UNC80: variants seen among roughly 807,000 people sequenced by gnomAD.
The protein encoded by UNC80 is unc-80 subunit of NALCN channel complex.
Under a neutral mutation model 384.6 loss-of-function variants are expected in UNC80, and 164 were observed. The observed-to-expected ratio is 0.43, with a 90% CI of 0.38 to 0.49. The LOEUF (loss-of-function observed/expected upper bound fraction) is 0.49. Among genes scored for constraint, UNC80 ranks in the 20% least tolerant of loss-of-function variants. The pLI is 0.00. For synonymous variants in UNC80, 1,486 were observed against 1,527.8 expected (o/e 0.97, Z 0.64); for missense variants, 3,330 against 4,143.0 (o/e 0.80, Z 5.39).
chr2:209,924,665 C>T (rs1230263694), intron 35 of UNC80, among the ~76,000 whole-genome samples: 1 of 152,028 alleles, frequency 6.6e-6, no homozygotes, highest in South Asian at 2.1e-4. Context: ...TGCAAGCCCC[C>T]TAGAAATCTC....
intron 25 of UNC80, among the ~76,000 whole-genome samples, chr2:209,887,040 T>G (rs1369052119): frequency 1.3e-5 from 2 of 152,064 alleles, no homozygotes; most frequent in African/African-American, 2.4e-5. Context: ...TTATTATTAT[T>G]TTTTATTTAT....
At chr2:209,908,185 G>A (rs963894125) in intron 29 of UNC80, among the ~76,000 whole-genome samples, 1 of 152,142 alleles carries the variant, frequency 6.6e-6, no homozygotes, top group Non-Finnish European at 1.5e-5. Flanking sequence ...AAACAGAGTG[G>A]GCAATGAAGC....
intron 4 of UNC80, among the ~76,000 whole-genome samples, chr2:209,778,415 T>A (rs1227222948): frequency 9.2e-5 from 14 of 151,726 alleles, no homozygotes; most frequent in Admixed American, 9.2e-4. Context: ...GAAAAAAAAA[T>A]AAGTTTTAAC....
At chr2:209,781,440 G>A (rs1159202493) in intron 4 of UNC80, among the ~76,000 whole-genome samples, 2 of 152,046 alleles carry the variant, frequency 1.3e-5, no homozygotes, top group Admixed American at 1.3e-4. Flanking sequence ...TTTCCACTCA[G>A]GTCATGAACA....
chr2:209,958,987 T>C, intron 49 of UNC80, 132 bp from the exon 50 acceptor site: 1 of 679,924 alleles, frequency 1.5e-6, no homozygotes, highest in Non-Finnish European at 2.6e-6. Flanking sequence ...TTAGGAGTAA[T>C]ATATGTATAT....
chr2:209,956,701 C>T (rs553208550), intron 48 of UNC80, among the ~76,000 whole-genome samples: 2 of 152,266 alleles, frequency 1.3e-5, no homozygotes, highest in South Asian at 4.1e-4. Context: ...CTTCAAATCT[C>T]TCTGCCCTAG....
intron 7 of UNC80, chr2:209,809,340 C>T (rs2079163781): frequency 4.9e-6 from 4 of 822,954 alleles, no homozygotes; most frequent in Middle Eastern, 2.2e-4. Flanking sequence ...GCGAAACCTG[C>T]GGGAAGGCCT....
chr2:209,833,773 C>A (rs1489020495), intron 16 of UNC80, among the ~76,000 whole-genome samples: 1 of 152,166 alleles, frequency 6.6e-6, no homozygotes, highest in East Asian at 1.9e-4. Flanking sequence ...AGCACGATAA[C>A]CATCCTTTTT....
chr2:209,970,024 A>G, intron 53 of UNC80, 133 bp downstream of exon 53: 1 of 1,156,244 alleles, frequency 8.6e-7, no homozygotes, highest in Non-Finnish European at 1.2e-6. Context: ...CTCAGGTGAC[A>G]CTGAAAATAG....
At chr2:209,908,212 T>C (rs1186145129) in intron 29 of UNC80, among the ~76,000 whole-genome samples, 2 of 152,250 alleles carry the variant, frequency 1.3e-5, no homozygotes, top group Non-Finnish European at 2.9e-5. Flanking sequence ...AAAAGCAGTA[T>C]TCTGAATAAA....
chr2:209,852,748 A>T (rs1364561258), intron 22 of UNC80, among the ~76,000 whole-genome samples: 1 of 152,136 alleles, frequency 6.6e-6, no homozygotes, highest in East Asian at 1.9e-4. Flanking sequence ...CCTCAGGGTT[A>T]TGCTAACTTT....
At chr2:209,904,267 G>T (rs2087902800) in intron 28 of UNC80, among the ~76,000 whole-genome samples, 1 of 152,170 alleles carries the variant, frequency 6.6e-6, no homozygotes, top group Non-Finnish European at 1.5e-5. Context: ...TCAAGTTCTA[G>T]TTGAAGATGA....
At chr2:209,810,134 C>T (rs1386522508) in intron 7 of UNC80, among the ~76,000 whole-genome samples, 3 of 152,134 alleles carry the variant, frequency 2.0e-5, no homozygotes, top group African/African-American at 7.2e-5. Flanking sequence ...GCAGCTATTT[C>T]AGCTTCCTGT....
intron 24 of UNC80, among the ~76,000 whole-genome samples, chr2:209,879,852 A>G (rs1171821123): frequency 6.8e-6 from 1 of 147,296 alleles, no homozygotes. Flanking sequence ...AACTCAGGAG[A>G]GAAAATGGTT....
At chr2:209,817,184 C>G in intron 10 of UNC80, 59 bp downstream of exon 10, 2 of 1,467,824 alleles carry the variant, frequency 1.4e-6, no homozygotes, top group African/African-American at 2.8e-5. Flanking sequence ...AGAACTGGAT[C>G]TAGGGCTTCT....
intron 4 of UNC80, among the ~76,000 whole-genome samples, chr2:209,782,506 TTTA>T (rs2077206580): frequency 6.6e-6 from 1 of 152,164 alleles, no homozygotes; most frequent in Admixed American, 6.6e-5. Context: ...TTATACTTTG[TTTA>T]TTATCATCCC....
chr2:209,939,599 C>T lies in UNC80; in HGVS notation c.6593C>T (p.Ser2198Leu). The change falls in exon 43 of 65, where the codon TCA (serine) becomes TTA (leucine). Residue 2198 changes from serine to leucine, a missense_variant. This residue lies in a region of UNC80 where 1,049 missense variants were observed against 1,488.6 expected (regional missense o/e 0.70). Transcript: ENST00000673920. The part of the protein sequence containing the change: ...MLQEDLLRLP[S>L]FPRSAIDAEF... ...CAGGAAGACCTCCTCCGCCTGCCCTCATTCCCTCGTAGTGCTATTGATGCT... is the reference window on the plus strand; with the variant it reads ...CAGGAAGACCTCCTCCGCCTGCCCTTATTCCCTCGTAGTGCTATTGATGCT... The T allele has an allele frequency of 6.4e-7, 1 of 1,551,936 alleles. No homozygotes were observed.
intron 35 of UNC80, among the ~76,000 whole-genome samples, chr2:209,926,160 C>T (rs1367675479): frequency 1.3e-5 from 2 of 152,054 alleles, no homozygotes; most frequent in Non-Finnish European, 2.9e-5. Context: ...TTCTTCTACC[C>T]CATATTACTG....
chr2:209,790,414 G>A (rs1247470753), intron 6 of UNC80, among the ~76,000 whole-genome samples: 3 of 152,144 alleles, frequency 2.0e-5, no homozygotes, highest in African/African-American at 7.2e-5. Flanking sequence ...CATTTAGTGA[G>A]CAATTACTAA....
Sources: gnomAD v4.1 joint callset for allele counts (sites outside exome capture counted in the v4.1 genomes callset) on GRCh38, gnomAD v4.1.1 for gene constraint, gnomAD v4.1.1 regional missense constraint, MANE v1.5 for transcripts, NCBI Gene and HGNC (gene_info 2026-07-23, HGNC 2026-07-21) for gene names.